SUPT6H: variants seen among roughly 807,000 people sequenced by gnomAD.
SUPT6H encodes the protein transcription elongation factor SPT6.
A neutral mutation model predicts 222.3 loss-of-function variants in SUPT6H; 11 were observed. The observed-to-expected ratio is 0.05, with a 90% CI of 0.03 to 0.08. The LOEUF (loss-of-function observed/expected upper bound fraction) is 0.08. SUPT6H is among the 10% of genes least tolerant of loss of function. The pLI is 1.00. For missense variants in SUPT6H, 1,422 were observed against 2,216.0 expected, an observed-to-expected ratio of 0.64 and a Z score of 7.19; for synonymous variants, 762 against 801.2, an observed-to-expected ratio of 0.95 and a Z score of 0.83.
chr17:28,693,196 C>CA (rs972133523), intron 27 of SUPT6H, among the ~76,000 whole-genome samples: 2 of 152,002 alleles, frequency 1.3e-5, no homozygotes, highest in African/African-American at 4.8e-5. Flanking sequence ...TGTGGTGGCT[C>CA]ACGCCTGTAA....
At position 28,674,734 on chromosome 17, in the gene SUPT6H, G is replaced by A. The variant is rs908221874; in HGVS notation, c.345+121G>A. 32 of 971,070 alleles carry A rather than the reference G, an allele frequency of 3.3e-5. No individual in the cohort carries two copies. In the Admixed American group the frequency reaches 4.2e-4, roughly 13 times the overall value. 60.2% of individuals were successfully genotyped at this position (971,070 alleles called of 1,614,324 possible). A position where few individuals can be genotyped will look rare whatever the true frequency, so the allele number is the denominator to read the frequency against. On this transcript the variant is annotated intron_variant, in intron 4 of 36. Coordinates refer to ENST00000314616, the MANE Select transcript of SUPT6H (RefSeq NM_003170.5). ...TGGAGAACATTAGAGCACGGTGTTC[G>A]GTATCATTGTACTACGGAGCCTAGA... is the stretch of plus-strand genomic sequence containing the variant.
rs563184385 is a variant in SUPT6H, at chr17:28,671,547, A to G, written c.-31-1824A>G. On this transcript the variant is annotated intron_variant, in intron 1 of 36. Coordinates refer to ENST00000314616, the MANE Select transcript of SUPT6H (RefSeq NM_003170.5). The stretch of plus-strand genomic sequence containing the variant: ...CAGCAGCCAGCTTTAGGGTTCCACA[A>G]TGGAATCTTGTTGTGATGATGTGTG... Among the ~76,000 whole-genome samples the G allele has an allele frequency of 3.9e-5, 6 of 152,280 alleles. No homozygotes were observed. The East Asian group carries it at 1.2e-3, about 29-fold the overall frequency.
intron 32 of SUPT6H, among the ~76,000 whole-genome samples, chr17:28,698,939 A>G (rs1481051772): frequency 6.6e-6 from 1 of 152,174 alleles, no homozygotes; most frequent in African/African-American, 2.4e-5. Context: ...CAGTTGAGCA[A>G]ACTGGTGGCG....
At chr17:28,701,236 G>T in intron 36 of SUPT6H, 108 bp downstream of exon 36, 2 of 1,465,204 alleles carry the variant, frequency 1.4e-6, no homozygotes, top group South Asian at 2.6e-5. Context: ...TGAGGGCCCT[G>T]ACCACATGAT....
chr17:28,686,466 C>G, intron 20 of SUPT6H, 51 bp downstream of exon 20: 1 of 1,587,070 alleles, frequency 6.3e-7, no homozygotes, highest in African/African-American at 1.3e-5. Flanking sequence ...CCAACTCATC[C>G]CTTATTATTG....
In SUPT6H at chr17:28,701,747, G is replaced by C. The variant is rs1365115959; in HGVS notation, c.*122G>C. ...GGCGTGAAGTGAGACGTTCTCTTTG[G>C]TGGTCAACCCGGATGGGTGACAGGC... On this transcript the variant is annotated 3_prime_UTR_variant, in exon 37 of 37. Transcript: ENST00000314616. 3.7e-6 allele frequency: 4 copies of C among 1,095,724 alleles called. No homozygotes were observed. The highest frequency in any genetic ancestry group is 3.9e-6 in the Non-Finnish European group (3 of 778,360). 67.9% of individuals were successfully genotyped at this position (1,095,724 alleles called of 1,614,324 possible). A position where few individuals can be genotyped will look rare whatever the true frequency, so the allele number is the denominator to read the frequency against.
At chr17:28,681,121 T>C (rs2031080706) in intron 11 of SUPT6H, 135 bp from the exon 12 acceptor site, 2 of 856,898 alleles carry the variant, frequency 2.3e-6, no homozygotes, top group East Asian at 5.2e-5. Flanking sequence ...ACAATAGTAA[T>C]AATAATTGGA....
rs142316679 is a variant in SUPT6H, at chr17:28,675,083, G to A, written c.459G>A (p.Gly153=). 5 of 1,614,022 alleles carry A rather than the reference G, an allele frequency of 3.1e-6. No individual in the cohort carries two copies. Among genetic ancestry groups the A allele is most frequent in the South Asian group, 1.1e-5 (1 of 91,088 alleles). ...EAIAEEIFQD[G]EGEEGQEAME... ...TTGCGGAAGAAATCTTCCAGGATGG[G>A]GAAGGGGAAGAAGGGCAGGAGGCCA... The change falls in exon 5 of 37, where the codon GGG becomes GGA. Residue 153 remains glycine, a synonymous_variant. Coordinates refer to ENST00000314616, the MANE Select transcript of SUPT6H (RefSeq NM_003170.5).
At position 28,673,353 on chromosome 17, in the gene SUPT6H, ACT is replaced by A; in HGVS notation, c.-31-15_-31-14del. On this transcript the variant is annotated splice_polypyrimidine_tract_variant and intron_variant, in intron 1 of 36. Transcript: ENST00000314616. ...TCATGTGTCCGTTTTTTTATCCTTC[ACT>A]CTTTTCTTTCCCTAGTTATCTTCAG... The A allele has an allele frequency of 2.0e-6, 3 of 1,481,054 alleles. No individual in the cohort carries two copies. The highest frequency in any genetic ancestry group is 2.8e-6 in the Non-Finnish European group (3 of 1,064,218). 91.7% of individuals were successfully genotyped at this position (1,481,054 alleles called of 1,614,324 possible). A position where few individuals can be genotyped will look rare whatever the true frequency, so the allele number is the denominator to read the frequency against.
At chr17:28,697,118 CCTG>C (rs545006462) in intron 30 of SUPT6H, 36 bp downstream of exon 30, 7 of 1,590,862 alleles carry the variant, frequency 4.4e-6, no homozygotes, top group Non-Finnish European at 6.0e-6. Flanking sequence ...CCATCCCACT[CCTG>C]CTTCCAGAAA....
At chr17:28,684,169 A>G (rs1047038760) in intron 17 of SUPT6H, among the ~76,000 whole-genome samples, 1 of 152,046 alleles carries the variant, frequency 6.6e-6, no homozygotes, top group Non-Finnish European at 1.5e-5. Flanking sequence ...GCCGAGACTC[A>G]TGATTTTTAG....
In SUPT6H at chr17:28,700,158, A is replaced by T. The variant is rs1285026044; in HGVS notation, c.4562-15A>T. The T allele has an allele frequency of 2.5e-6, 4 of 1,613,914 alleles. No individual in the cohort carries two copies. The highest frequency in any genetic ancestry group is 1.7e-5 in the Admixed American group (1 of 59,980). On this transcript the variant is annotated splice_polypyrimidine_tract_variant and intron_variant, in intron 33 of 36. Coordinates refer to ENST00000314616, the MANE Select transcript of SUPT6H (RefSeq NM_003170.5). ...GGTTTCTGGAGGGATGTAACTAAAT[A>T]ATCACTTCCTGCAGGCATCACCCCT... is the stretch of plus-strand genomic sequence containing the variant.
intron 24 of SUPT6H, 95 bp from the exon 25 acceptor site, chr17:28,689,259 C>T: frequency 8.6e-7 from 1 of 1,161,584 alleles, no homozygotes; most frequent in Non-Finnish European, 1.3e-6. Context: ...TGGAGGTGCC[C>T]TAATTTATTT....
chr17:28,674,848 T>C, intron 4 of SUPT6H, 122 bp from the exon 5 acceptor site: 2 of 1,249,324 alleles, frequency 1.6e-6, no homozygotes, highest in South Asian at 3.0e-5. Flanking sequence ...TCACTCGGCA[T>C]GTTCTTTCCC....
chr17:28,698,075 C>G (rs201104064), intron 32 of SUPT6H, 45 bp downstream of exon 32: 280 of 1,589,206 alleles, frequency 1.8e-4, no homozygotes, highest in Non-Finnish European at 2.2e-4. Flanking sequence ...GGTTCATAGG[C>G]AGGCTAGAAG....
At chr17:28,678,219 T>C (rs1395288468) in intron 9 of SUPT6H, 27 bp downstream of exon 9, 3 of 1,590,268 alleles carry the variant, frequency 1.9e-6, no homozygotes, top group Non-Finnish European at 2.6e-6. Flanking sequence ...TGGTGGCCCA[T>C]TGGTGAGAAA....
intron 1 of SUPT6H, chr17:28,672,776 A>G (rs1010631777): frequency 2.6e-5 from 4 of 151,242 alleles, no homozygotes; most frequent in African/African-American, 9.7e-5. Context: ...CAGTGGCGCA[A>G]TCTGCAACCT....
Position 28,682,876 on chromosome 17 carries a change from C to A in SUPT6H, c.1727+20C>A, listed in dbSNP as rs1387453484. The A allele has an allele frequency of 1.9e-6, 3 of 1,613,996 alleles. No individual in the cohort carries two copies. Among genetic ancestry groups the A allele is most frequent in the Non-Finnish European group, 2.5e-6 (3 of 1,179,932 alleles). On this transcript the variant is annotated intron_variant, in intron 14 of 36. Transcript: ENST00000314616. ...TTGCAGGTAGGCATGCAGCAGGTGG[C>A]TGACAGGAGGAGGGGCCTGAGGACC...
At chr17:28,677,496 G>A (rs1388605588) in intron 7 of SUPT6H, among the ~76,000 whole-genome samples, 2 of 151,754 alleles carry the variant, frequency 1.3e-5, no homozygotes, top group Admixed American at 6.6e-5. Context: ...AGTGACCCTA[G>A]ATCGCGCCGT....
Sources: gnomAD v4.1 joint callset for allele counts (sites outside exome capture counted in the v4.1 genomes callset) on GRCh38, gnomAD v4.1.1 for gene constraint, MANE v1.5 for transcripts, NCBI Gene and HGNC (gene_info 2026-07-23, HGNC 2026-07-21) for gene names.